PRPF18: variants seen among roughly 807,000 people sequenced by gnomAD.
PRPF18 encodes the protein pre-mRNA processing factor 18.
In PRPF18, 38 loss-of-function variants were observed where a neutral mutation model predicts 46.5. The observed-to-expected ratio is 0.82, with a 90% CI of 0.63 to 1.07. The LOEUF is 1.07. PRPF18 is among the 50% of genes least tolerant of loss of function. The pLI, the probability that PRPF18 is intolerant of heterozygous loss-of-function variation, is 0.00. For synonymous variants in PRPF18, 152 were observed against 146.7 expected, an observed-to-expected ratio of 1.04 and a Z score of -0.26; for missense variants, 263 against 410.0, an observed-to-expected ratio of 0.64 and a Z score of 3.10.
At chr10:13,588,108 T>G (rs2079903107) in intron 1 of PRPF18, among the ~76,000 whole-genome samples, 1 of 152,154 alleles carries the variant, frequency 6.6e-6, no homozygotes, top group African/African-American at 2.4e-5. Context: ...GAAGGGTTTG[T>G]GCCCAACTGA....
the PRPF18 span, chr10:13,644,997 A>C: frequency 2.0e-5 from 3 of 152,230 alleles, no homozygotes; most frequent in Non-Finnish European, 4.4e-5. Flanking sequence ...GGAGCTGGGG[A>C]AAGCAGGCCC....
the PRPF18 span, chr10:13,652,270 T>G: frequency 6.6e-6 from 3 of 452,000 alleles, no homozygotes; most frequent in African/African-American, 5.9e-5. Flanking sequence ...CAAATTTGGC[T>G]TGAGTCCTCA....
chr10:13,648,560 TCAAAGGTGGC>T, the PRPF18 span: 2 of 152,146 alleles, frequency 1.3e-5, no homozygotes, highest in African/African-American at 4.8e-5. Context: ...AATCCCTGGT[TCAAAGGTGGC>T]CACGTGCCTG....
chr10:13,646,999 G>A, the PRPF18 span: 1 of 982,542 alleles, frequency 1.0e-6, no homozygotes, highest in Non-Finnish European at 1.2e-6. Context: ...GTTCTGGATA[G>A]AGGGAGGAAT....
intron 6 of PRPF18, among the ~76,000 whole-genome samples, chr10:13,613,396 C>A (rs575924104): frequency 2.0e-5 from 3 of 151,626 alleles, no homozygotes; most frequent in Non-Finnish European, 2.9e-5. Context: ...TCTTGTAACT[C>A]GTAACTTGTT....
At chr10:13,592,381 A>G (rs2079977750) in intron 1 of PRPF18, 2 of 246,968 alleles carry the variant, frequency 8.1e-6, no homozygotes, top group African/African-American at 4.6e-5. Flanking sequence ...AACACGGGTC[A>G]GGGATCAGTA....
chr10:13,632,173 C>T (rs1320789879), downstream of PRPF18, among the ~76,000 whole-genome samples: 1 of 152,160 alleles, frequency 6.6e-6, no homozygotes. Flanking sequence ...AACCCTGTCT[C>T]TACTAAAAAT....
At chr10:13,653,563 A>ATGAT in the PRPF18 span, 1 of 152,284 alleles carries the variant, frequency 6.6e-6, no homozygotes, top group African/African-American at 2.4e-5. Flanking sequence ...TGCTTTTCTC[A>ATGAT]TGATTCAACT....
chr10:13,624,152 G>C (rs1485440705), intron 9 of PRPF18, among the ~76,000 whole-genome samples: 1 of 152,022 alleles, frequency 6.6e-6, no homozygotes, highest in African/African-American at 2.4e-5. Flanking sequence ...GATTTTTTTT[G>C]TATTTTCGTA....
downstream of PRPF18, among the ~76,000 whole-genome samples, chr10:13,635,285 C>G (rs2080627115): frequency 6.6e-6 from 1 of 152,120 alleles, no homozygotes; most frequent in Non-Finnish European, 1.5e-5. Context: ...TTTCTTTATC[C>G]AGGCTATCAT....
At chr10:13,639,277 A>G in the PRPF18 span, 1 of 152,210 alleles carries the variant, frequency 6.6e-6, no homozygotes, top group Admixed American at 6.5e-5. Context: ...GAATCACTCA[A>G]TTTATTGGAC....
downstream of PRPF18, among the ~76,000 whole-genome samples, chr10:13,632,177 T>G (rs1361703282): frequency 6.6e-6 from 1 of 152,102 alleles, no homozygotes; most frequent in African/African-American, 2.4e-5. Flanking sequence ...CTGTCTCTAC[T>G]AAAAATACAA....
the PRPF18 span, chr10:13,647,065 CAGTT>C: frequency 0.07 from 40,435 of 581,364 alleles, 2,169 homozygotes; most frequent in African/African-American, 0.18. Flanking sequence ...GGAGATGAGA[CAGTT>C]AGTTAGTGGA....
At chr10:13,623,380 A>AG (rs2080448928) in intron 9 of PRPF18, among the ~76,000 whole-genome samples, 2 of 152,184 alleles carry the variant, frequency 1.3e-5, no homozygotes, top group African/African-American at 4.8e-5. Flanking sequence ...CGTTAACTTA[A>AG]GTATTGCATA....
chr10:13,650,100 CGTCTGATACCA>C, the PRPF18 span, among the ~76,000 whole-genome samples: 1 of 152,090 alleles, frequency 6.6e-6, no homozygotes, highest in African/African-American at 2.4e-5. Context: ...AAGCCAGGGC[CGTCTGATACCA>C]GACAGATGGC....
chr10:13,629,375 A>G (rs1296187067), intron 9 of PRPF18, among the ~76,000 whole-genome samples: 1 of 152,234 alleles, frequency 6.6e-6, no homozygotes, highest in Non-Finnish European at 1.5e-5. Flanking sequence ...TTATTGTGTA[A>G]TATTTGGTAC....
At chr10:13,587,326 T>G in intron 1 of PRPF18, 174 bp downstream of exon 1, 1 of 686,698 alleles carries the variant, frequency 1.5e-6, no homozygotes, top group Non-Finnish European at 2.5e-6. Context: ...GTCTCACTGT[T>G]GAGGCTGGAG....
At chr10:13,648,579 T>G in the PRPF18 span, 21 of 152,272 alleles carry the variant, frequency 1.4e-4, no homozygotes, top group African/African-American at 4.8e-4. Context: ...GCCACGTGCC[T>G]GAGCAGCTTT....
At chr10:13,595,995 C>T (rs1213237498) in intron 1 of PRPF18, among the ~76,000 whole-genome samples, 1 of 152,144 alleles carries the variant, frequency 6.6e-6, no homozygotes, top group African/African-American at 2.4e-5. Context: ...TTATCAGATA[C>T]TCTTCTCACA....
Sources: allele counts gnomAD v4.1 joint callset (sites outside exome capture counted in the v4.1 genomes callset), GRCh38; gene constraint gnomAD v4.1.1; transcripts MANE v1.5; gene names NCBI Gene and HGNC (gene_info 2026-07-23, HGNC 2026-07-21).